Variants in SUCLA2 observed in about 807,000 individuals in gnomAD.
The protein encoded by SUCLA2 is succinate--CoA ligase [ADP-forming] subunit beta, mitochondrial.
Under a neutral mutation model 54.8 loss-of-function variants are expected in SUCLA2, and 30 were observed. The ratio of observed to expected loss-of-function variants is 0.55; its 90% confidence interval spans 0.41 to 0.74. SUCLA2 has a LOEUF of 0.74. Among genes scored for constraint, SUCLA2 ranks in the 30% least tolerant of loss-of-function variants. The pLI is 0.00. For synonymous variants in SUCLA2, 172 were observed against 188.9 expected, an observed-to-expected ratio of 0.91 and a Z score of 0.74; for missense variants, 476 against 562.9, an observed-to-expected ratio of 0.85 and a Z score of 1.56.
At chr13:47,954,595 A>G in intron 6 of SUCLA2, 38 bp from the exon 7 acceptor site, 2 of 1,603,874 alleles carry the variant, frequency 1.2e-6, no homozygotes, top group Non-Finnish European at 1.7e-6. Context: ...CTTAATTTCA[A>G]GACAGATACA....
chr13:47,944,913 T>A (rs146668781), intron 10 of SUCLA2, among the ~76,000 whole-genome samples: 1,894 of 151,992 alleles, frequency 0.012, 49 homozygotes, highest in African/African-American at 0.044. Flanking sequence ...ATATGAGGTC[T>A]GGAGTTCGAG....
chr13:47,949,630 A>G (rs1427254481), intron 8 of SUCLA2, 27 bp from the exon 9 acceptor site: 4 of 1,610,952 alleles, frequency 2.5e-6, no homozygotes, highest in South Asian at 2.2e-5. Flanking sequence ...CTGATAGATT[A>G]AAATTTAAAA....
chr13:47,963,210 C>T (rs188828672), intron 6 of SUCLA2, among the ~76,000 whole-genome samples: 1 of 152,214 alleles, frequency 6.6e-6, no homozygotes, highest in African/African-American at 2.4e-5. Flanking sequence ...AAAGGAATAA[C>T]TATATTGAAG....
At chr13:47,971,233 G>T (rs1382609766) in intron 5 of SUCLA2, among the ~76,000 whole-genome samples, 1 of 152,078 alleles carries the variant, frequency 6.6e-6, no homozygotes, top group Non-Finnish European at 1.5e-5. Context: ...CCAATATGGT[G>T]AAACCCTGTC....
At chr13:47,982,952 T>C (rs7992167) in intron 4 of SUCLA2, among the ~76,000 whole-genome samples, 3,681 of 152,214 alleles carry the variant, frequency 0.024, 142 homozygotes, top group Admixed American at 0.1. Context: ...TTCTAAGGAA[T>C]TAACCCTCAA....
intron 2 of SUCLA2, among the ~76,000 whole-genome samples, chr13:47,990,072 G>T (rs1185703326): frequency 6.6e-6 from 1 of 152,142 alleles, no homozygotes; most frequent in Admixed American, 6.5e-5. Flanking sequence ...AATGGGCCCG[G>T]TGCGGTGGCT....
chr13:47,954,553 C>A lies in SUCLA2; in HGVS notation c.807G>T (p.Leu269Phe). The change falls in exon 7 of 11, where the codon TTG becomes TTT. Residue 269 changes from leucine to phenylalanine, a missense_variant. By Grantham distance (22) the Leu-to-Phe change is conservative (BLOSUM62 0). This residue lies in a region of SUCLA2 where 342 missense variants were observed against 444.2 expected (regional missense o/e 0.77). Transcript: ENST00000646932. Reference sequence around the variant, plus strand: ...CAAAATTGATCTTTGCATCCATACACAATACTTTGAAGGGAAAAAGAGAAA... The same window carrying A: ...CAAAATTGATCTTTGCATCCATACAAAATACTTTGAAGGGAAAAAGAGAAA... Reference protein sequence around the residue: ...PMVEDSDGAVLCMDAKINFDS... With the variant: ...PMVEDSDGAVFCMDAKINFDS... 6.2e-7 allele frequency: 1 copy of A among 1,613,300 alleles called. No individual in the cohort carries two copies. Among genetic ancestry groups the A allele is most frequent in the Non-Finnish European group, 8.5e-7 (1 of 1,179,578 alleles).
At chr13:47,951,084 C>T (rs1412438499) in intron 8 of SUCLA2, among the ~76,000 whole-genome samples, 3 of 152,064 alleles carry the variant, frequency 2.0e-5, no homozygotes, top group East Asian at 3.9e-4. Context: ...AACACTCCAG[C>T]CTTAAAGTTC....
At position 47,996,943 on chromosome 13, in the gene SUCLA2, T is replaced by C. The variant is rs762652441; in HGVS notation, c.171A>G (p.Glu57=). 1.2e-6 allele frequency: 2 copies of C among 1,614,090 alleles called. No individual in the cohort carries two copies. The highest frequency in any genetic ancestry group is 2.2e-5 in the South Asian group (2 of 91,084). ...QQQQRNLSLH[E]YMSMELLQEA... ...CTTGCAATAATTCCATACTCATGTA[T>C]TCATGTAGTGAGAGATTCCTTTGCT... The change falls in exon 2 of 11, where the codon GAA becomes GAG. Residue 57 remains glutamate, a synonymous_variant. Coordinates refer to ENST00000646932, the MANE Select transcript of SUCLA2 (RefSeq NM_003850.3).
At chr13:47,962,563 T>C (rs1379575955) in intron 6 of SUCLA2, among the ~76,000 whole-genome samples, 1 of 152,316 alleles carries the variant, frequency 6.6e-6, no homozygotes, top group African/African-American at 2.4e-5. Context: ...TAGATCCTGC[T>C]GTGATTTGTC....
intron 2 of SUCLA2, among the ~76,000 whole-genome samples, chr13:47,992,096 G>C (rs181233033): frequency 6.6e-6 from 1 of 152,134 alleles, no homozygotes; most frequent in Admixed American, 6.5e-5. Flanking sequence ...TATATCCGAA[G>C]AAGAGAACTA....
chr13:47,969,078 T>C (rs968159630), intron 5 of SUCLA2, among the ~76,000 whole-genome samples: 2 of 152,158 alleles, frequency 1.3e-5, no homozygotes, highest in Admixed American at 6.5e-5. Flanking sequence ...ATTAAAACTA[T>C]ATATAAAATG....
At chr13:47,967,525 A>G (rs968495881) in intron 6 of SUCLA2, among the ~76,000 whole-genome samples, 3 of 152,144 alleles carry the variant, frequency 2.0e-5, no homozygotes, top group African/African-American at 7.2e-5. Flanking sequence ...GATGGAGAAT[A>G]AAAAAATCTC....
intron 1 of SUCLA2, among the ~76,000 whole-genome samples, chr13:47,997,693 A>G (rs888315615): frequency 6.6e-6 from 1 of 152,220 alleles, no homozygotes; most frequent in Non-Finnish European, 1.5e-5. Flanking sequence ...GGAATCACAC[A>G]TTTAAATGTT....
chr13:47,947,203 T>G (rs2137685000), intron 10 of SUCLA2, among the ~76,000 whole-genome samples: 1 of 152,200 alleles, frequency 6.6e-6, no homozygotes, highest in South Asian at 2.1e-4. Flanking sequence ...ATCAATGTTT[T>G]AAGTCATAAG....
chr13:47,952,062 A>C (rs1342863025), intron 8 of SUCLA2, among the ~76,000 whole-genome samples: 2 of 151,500 alleles, frequency 1.3e-5, no homozygotes, highest in African/African-American at 4.9e-5. Context: ...TTCCTCATCA[A>C]ATCAATCCAT....
At chr13:47,973,889 T>C (rs2137722720) in intron 4 of SUCLA2, among the ~76,000 whole-genome samples, 1 of 151,786 alleles carries the variant, frequency 6.6e-6, no homozygotes, top group Non-Finnish European at 1.5e-5. Flanking sequence ...AACTGAACAA[T>C]GAGAACACAT....
At chr13:47,968,770 CAT>C (rs1949938885) in intron 5 of SUCLA2, 37 bp from the exon 6 acceptor site, 1 of 1,605,526 alleles carries the variant, frequency 6.2e-7, no homozygotes, top group Non-Finnish European at 8.5e-7. Flanking sequence ...AGGTAGTTTG[CAT>C]ATGTCTAATC....
At chr13:47,950,281 G>C (rs975895542) in intron 8 of SUCLA2, among the ~76,000 whole-genome samples, 4 of 152,094 alleles carry the variant, frequency 2.6e-5, no homozygotes, top group Non-Finnish European at 5.9e-5. Context: ...ACTACATAAA[G>C]GATAATTTCT....
Sources: gnomAD v4.1 joint callset for allele counts (sites outside exome capture counted in the v4.1 genomes callset) on GRCh38, gnomAD v4.1.1 for gene constraint, gnomAD v4.1.1 regional missense constraint, MANE v1.5 for transcripts, NCBI Gene and HGNC (gene_info 2026-07-23, HGNC 2026-07-21) for gene names.